The following KATNAL1 variants were observed in gnomAD, a reference collection of about 807,000 sequenced individuals.
KATNAL1 encodes katanin p60 ATPase-containing subunit A-like 1.
In KATNAL1, 32 loss-of-function variants were observed where a neutral mutation model predicts 55.2. That is an observed-to-expected ratio of 0.58 (90% CI 0.44 to 0.78). KATNAL1 has a LOEUF of 0.78. KATNAL1 is among the 30% of genes least tolerant of loss of function. The probability of loss-of-function intolerance (pLI) is 0.00; values close to 1 mark genes in which losing one functional copy is unlikely to be tolerated. For missense variants in KATNAL1, 466 were observed against 600.9 expected (o/e 0.78, Z 2.35); for synonymous variants, 193 against 193.6 (o/e 1.00, Z 0.02).
intron 1 of KATNAL1, among the ~76,000 whole-genome samples, chr13:30,290,181 A>G (rs1031099629): frequency 6.6e-6 from 1 of 152,234 alleles, no homozygotes; most frequent in Admixed American, 6.5e-5. Flanking sequence ...AAGAAGCAGA[A>G]GGAACAATGT....
At chr13:30,274,907 G>GCACACACACGCACA (rs1880711879) in intron 3 of KATNAL1, among the ~76,000 whole-genome samples, 1 of 105,390 alleles carries the variant, frequency 9.5e-6, no homozygotes, top group East Asian at 2.7e-4. Flanking sequence ...GCGCGCGCGC[G>GCACACACACGCACA]CACACACACA....
At chr13:30,263,266 C>T (rs554666657) in intron 3 of KATNAL1, among the ~76,000 whole-genome samples, 10 of 152,274 alleles carry the variant, frequency 6.6e-5, no homozygotes, top group South Asian at 4.1e-4. Context: ...CAATATCATA[C>T]TGAATGGGCA....
intron 3 of KATNAL1, among the ~76,000 whole-genome samples, chr13:30,272,195 C>A (rs756678962): frequency 6.6e-6 from 1 of 152,040 alleles, no homozygotes; most frequent in Non-Finnish European, 1.5e-5. Context: ...GTCAGGAGTT[C>A]GAGATCAGCC....
intron 4 of KATNAL1, among the ~76,000 whole-genome samples, chr13:30,253,955 T>A (rs1400799160): frequency 1.3e-5 from 2 of 152,214 alleles, no homozygotes; most frequent in Non-Finnish European, 2.9e-5. Flanking sequence ...AGTTTCTTCA[T>A]CTGTAAAGTC....
Position 30,274,891 on chromosome 13 carries a change from A to ACATATGCGCG in KATNAL1, c.323+5171_323+5172insCGCGCATATG, listed in dbSNP as rs55740915. Among the ~76,000 whole-genome samples the ACATATGCGCG allele has an allele frequency of 4.1e-5, 5 of 122,190 alleles. 1 individual carries two copies. The East Asian group carries it at 1.3e-3, about 31-fold the overall frequency. The allele number at this position is 122,190 out of a possible 152,430, so 80.2% of individuals were successfully genotyped here. A position where few individuals can be genotyped will look rare whatever the true frequency, so the allele number is the denominator to read the frequency against. The stretch of plus-strand genomic sequence containing the variant: ...GGGGGCGGGGTGTGTGCACACACAT[A>ACATATGCGCG]CGCGCGCGCGCGCGCGCACACACAC... On this transcript the variant is annotated intron_variant, in intron 3 of 10. Coordinates refer to ENST00000380615, the MANE Select transcript of KATNAL1 (RefSeq NM_032116.5).
intron 3 of KATNAL1, among the ~76,000 whole-genome samples, chr13:30,272,694 A>C (rs776545704): frequency 6.6e-6 from 1 of 152,220 alleles, no homozygotes; most frequent in East Asian, 1.9e-4. Context: ...ATTGTATTAC[A>C]TACCTAGAAC....
Position 30,216,883 on chromosome 13 carries a change from T to G in KATNAL1, c.1148-6441A>C, listed in dbSNP as rs567474152. Among the ~76,000 whole-genome samples, 6 of 152,334 alleles carry G rather than the reference T, an allele frequency of 3.9e-5. No individual in the cohort carries two copies. In the East Asian group the frequency reaches 1.2e-3, roughly 29 times the overall value. ...GACCCAATATTAGAATACCACTGTA[T>G]GTGTAAATCAAACGTTTCACTGTGC... On this transcript the variant is annotated intron_variant, in intron 9 of 10. Transcript: ENST00000380615.
intron 1 of KATNAL1, among the ~76,000 whole-genome samples, chr13:30,292,473 G>A (rs995473870): frequency 2.0e-5 from 3 of 152,008 alleles, no homozygotes; most frequent in Admixed American, 6.5e-5. Flanking sequence ...AGGAGAGGAG[G>A]CCTAAGCTTA....
intron 3 of KATNAL1, among the ~76,000 whole-genome samples, chr13:30,271,283 T>C (rs544235068): frequency 1.8e-4 from 27 of 152,264 alleles, no homozygotes; most frequent in African/African-American, 6.5e-4. Context: ...AGAGAAGCCA[T>C]GTGGTAGGGC....
rs565363558 is a variant in KATNAL1, at chr13:30,212,187, T to C, written c.1148-1745A>G. ...TCAAAAAAAATCAACAAGGAAAAGA[T>C]TGATAAACTGACCACATTAAAATGA... On this transcript the variant is annotated intron_variant, in intron 9 of 10. Coordinates refer to ENST00000380615, the MANE Select transcript of KATNAL1 (RefSeq NM_032116.5). Among the ~76,000 whole-genome samples, 19 of 152,258 alleles carry C rather than the reference T, an allele frequency of 1.2e-4. 1 individual carries two copies. In the South Asian group the frequency reaches 2.9e-3, roughly 23 times the overall value.
At chr13:30,253,880 A>G (rs1459444315) in intron 4 of KATNAL1, among the ~76,000 whole-genome samples, 1 of 152,194 alleles carries the variant, frequency 6.6e-6, no homozygotes, top group African/African-American at 2.4e-5. Flanking sequence ...GACTTCACAA[A>G]TTCCATTCTT....
At chr13:30,278,988 A>G (rs975498359) in intron 3 of KATNAL1, among the ~76,000 whole-genome samples, 1 of 152,248 alleles carries the variant, frequency 6.6e-6, no homozygotes, top group Non-Finnish European at 1.5e-5. Flanking sequence ...AATTCAGTGG[A>G]AAAAATCCAA....
intron 9 of KATNAL1, among the ~76,000 whole-genome samples, chr13:30,215,302 T>C (rs571036325): frequency 1.3e-5 from 2 of 152,196 alleles, no homozygotes; most frequent in African/African-American, 4.8e-5. Flanking sequence ...TGTGGAGAAA[T>C]AGGAACACTT....
chr13:30,232,646 T>C (rs1297946213), intron 6 of KATNAL1, among the ~76,000 whole-genome samples: 1 of 152,188 alleles, frequency 6.6e-6, no homozygotes, highest in Non-Finnish European at 1.5e-5. Flanking sequence ...TGTAATGCCA[T>C]TAATGTGGCC....
At chr13:30,245,018 A>T (rs914364299) in intron 4 of KATNAL1, among the ~76,000 whole-genome samples, 32 of 135,812 alleles carry the variant, frequency 2.4e-4, no homozygotes, top group African/African-American at 4.0e-4. Context: ...CCAAACAATT[A>T]AAAAAAAAAA....
intron 1 of KATNAL1, among the ~76,000 whole-genome samples, chr13:30,304,268 C>CT (rs35058135): frequency 0.011 from 1,587 of 140,016 alleles, 18 homozygotes; most frequent in African/African-American, 0.019. Flanking sequence ...ACACACAACT[C>CT]TTTTTTTTTT....
At chr13:30,211,719 T>A (rs1376321783) in intron 9 of KATNAL1, among the ~76,000 whole-genome samples, 1 of 152,142 alleles carries the variant, frequency 6.6e-6, no homozygotes, top group African/African-American at 2.4e-5. Flanking sequence ...AACGGGCAGA[T>A]ACCAAAATGT....
intron 9 of KATNAL1, among the ~76,000 whole-genome samples, chr13:30,223,475 G>A (rs539227577): frequency 5.7e-4 from 77 of 134,988 alleles, no homozygotes; most frequent in African/African-American, 2.0e-3. Flanking sequence ...AAACTGCACC[G>A]TAAATATAAA....
At chr13:30,269,056 C>T (rs892425917) in intron 3 of KATNAL1, among the ~76,000 whole-genome samples, 1 of 152,050 alleles carries the variant, frequency 6.6e-6, no homozygotes, top group South Asian at 2.1e-4. Context: ...TAAAGCTGCT[C>T]CCTCTCCCTC....
Sources: allele counts gnomAD v4.1 joint callset (sites outside exome capture counted in the v4.1 genomes callset), GRCh38; gene constraint gnomAD v4.1.1; transcripts MANE v1.5; gene names NCBI Gene and HGNC (gene_info 2026-07-23, HGNC 2026-07-21).